Variants in RNLS observed in about 807,000 individuals in gnomAD.
The protein encoded by RNLS is renalase, FAD dependent amine oxidase, also known as renalase.
In RNLS, 39 loss-of-function variants were observed where a neutral mutation model predicts 39.8. That is an observed-to-expected ratio of 0.98 (90% CI 0.76 to 1.28). The LOEUF (loss-of-function observed/expected upper bound fraction) is 1.28. Among genes scored for constraint, RNLS ranks in the 50% most tolerant of loss-of-function variants. The pLI, the probability that RNLS is intolerant of heterozygous loss-of-function variation, is 0.00. For missense variants in RNLS, 410 were observed against 413.3 expected, an observed-to-expected ratio of 0.99 and a Z score of 0.07; for synonymous variants, 147 against 150.7, an observed-to-expected ratio of 0.98 and a Z score of 0.18.
At chr10:88,304,783 A>C (rs114080758) in intron 6 of RNLS, among the ~76,000 whole-genome samples, 27 of 152,348 alleles carry the variant, frequency 1.8e-4, no homozygotes, top group African/African-American at 6.3e-4. Context: ...GACATTGTCC[A>C]TGAGAGCCTC....
chr10:88,203,390 G>A, the RNLS span, among the ~76,000 whole-genome samples: 1 of 8,170 alleles, frequency 1.2e-4, no homozygotes, highest in Non-Finnish European at 2.5e-4. Context: ...ATATATACAC[G>A]TATGTGTATA....
the RNLS span, among the ~76,000 whole-genome samples, chr10:88,222,709 T>C: frequency 6.6e-6 from 1 of 152,094 alleles, no homozygotes; most frequent in Non-Finnish European, 1.5e-5. Flanking sequence ...TGTCTAACCT[T>C]TGGAAGGACT....
chr10:88,355,213 T>C (rs1849060457), intron 5 of RNLS, among the ~76,000 whole-genome samples: 1 of 152,252 alleles, frequency 6.6e-6, no homozygotes, highest in Non-Finnish European at 1.5e-5. Context: ...TTCTCTCAAC[T>C]TGTCAAAGTC....
intron 4 of RNLS, among the ~76,000 whole-genome samples, chr10:88,442,013 A>C (rs570752470): frequency 6.6e-6 from 1 of 152,348 alleles, no homozygotes; most frequent in South Asian, 2.1e-4. Flanking sequence ...GGTTCTCTGC[A>C]ACAGGAATGA....
At chr10:88,558,946 T>G (rs1211221252) in intron 4 of RNLS, among the ~76,000 whole-genome samples, 3 of 152,128 alleles carry the variant, frequency 2.0e-5, no homozygotes, top group Non-Finnish European at 4.4e-5. Context: ...TATTTCCCCC[T>G]CCTATGGAGA....
the RNLS span, among the ~76,000 whole-genome samples, chr10:88,206,792 C>T: frequency 4.6e-5 from 7 of 152,092 alleles, no homozygotes; most frequent in African/African-American, 1.7e-4. Flanking sequence ...AGGATTTAGA[C>T]ATCTCAATAC....
rs1850576625 is a variant in RNLS, at chr10:88,581,727, G to A, written c.225-18C>T. Reference sequence around the variant, plus strand: ...CATAAAAACTGAAATAAATCAATATGTATATTTAATGTAATTATATACCAT... The same window carrying A: ...CATAAAAACTGAAATAAATCAATATATATATTTAATGTAATTATATACCAT... On this transcript the variant is annotated intron_variant, in intron 2 of 6. Coordinates refer to ENST00000331772, the MANE Select transcript of RNLS (RefSeq NM_001031709.3). 2.0e-6 allele frequency: 3 copies of A among 1,503,614 alleles called. No individual in the cohort carries two copies. Among genetic ancestry groups the A allele is most frequent in the Non-Finnish European group, 2.7e-6 (3 of 1,120,078 alleles). 93.1% of individuals were successfully genotyped at this position (1,503,614 alleles called of 1,614,324 possible). A position where few individuals can be genotyped will look rare whatever the true frequency, so the allele number is the denominator to read the frequency against.
rs547816104 is a variant in RNLS, at chr10:88,378,057, C to T, written c.527-15332G>A. 6.8e-4 allele frequency among the ~76,000 whole-genome samples: 104 copies of T among 151,970 alleles called. 1 individual carries two copies. The highest frequency in any genetic ancestry group is 2.4e-3 in the African/African-American group (100 of 41,450). On this transcript the variant is annotated intron_variant, in intron 4 of 6. Transcript: ENST00000331772. ...GCTTAGGTATACACAGGGTCAGGGTCGTCAATATCACTGTCTTCCACCTCC... is the reference window on the plus strand; with the variant it reads ...GCTTAGGTATACACAGGGTCAGGGTTGTCAATATCACTGTCTTCCACCTCC...
chr10:88,568,685 A>C (rs1015620064), intron 4 of RNLS, among the ~76,000 whole-genome samples: 1 of 152,138 alleles, frequency 6.6e-6, no homozygotes, highest in South Asian at 2.1e-4. Flanking sequence ...CGCAAAGCAA[A>C]GGTGCAAATG....
the RNLS span, among the ~76,000 whole-genome samples, chr10:88,235,267 CAAAAAAAA>C: frequency 6.5e-5 from 4 of 61,956 alleles, no homozygotes; most frequent in African/African-American, 2.9e-4. Flanking sequence ...GACTCTATCT[CAAAAAAAA>C]AAAAAAAAAA....
the RNLS span, among the ~76,000 whole-genome samples, chr10:88,200,239 C>T: frequency 1.3e-5 from 2 of 152,206 alleles, no homozygotes; most frequent in Non-Finnish European, 2.9e-5. Flanking sequence ...TTTCTTTGCA[C>T]ATCTGAAAAG....
At chr10:88,312,566 A>G (rs1220880434) in intron 6 of RNLS, among the ~76,000 whole-genome samples, 2 of 152,140 alleles carry the variant, frequency 1.3e-5, no homozygotes, top group Non-Finnish European at 2.9e-5. Context: ...AGGCAGGTAG[A>G]CTGGTTTTGT....
chr10:88,226,185 T>C, the RNLS span, among the ~76,000 whole-genome samples: 2 of 152,242 alleles, frequency 1.3e-5, no homozygotes, highest in Non-Finnish European at 2.9e-5. Flanking sequence ...CCAAGACATA[T>C]TTATTCAGCC....
At chr10:88,546,677 G>T (rs1848329472) in intron 4 of RNLS, among the ~76,000 whole-genome samples, 1 of 152,042 alleles carries the variant, frequency 6.6e-6, no homozygotes, top group East Asian at 1.9e-4. Flanking sequence ...GGGAAAAATA[G>T]AAATTTTGTA....
chr10:88,220,776 A>T, the RNLS span, among the ~76,000 whole-genome samples: 3 of 152,194 alleles, frequency 2.0e-5, no homozygotes, highest in East Asian at 3.9e-4. Context: ...TGTGTTGAGC[A>T]CCTACTAAAT....
At chr10:88,183,408 T>C in the RNLS span, among the ~76,000 whole-genome samples, 4 of 152,130 alleles carry the variant, frequency 2.6e-5, no homozygotes, top group African/African-American at 7.2e-5. Context: ...ATTAACAGTT[T>C]CCATTAAATA....
At chr10:88,580,744 C>G (rs995036546) in intron 3 of RNLS, among the ~76,000 whole-genome samples, 1 of 152,078 alleles carries the variant, frequency 6.6e-6, no homozygotes, top group Admixed American at 6.5e-5. Flanking sequence ...AAAAACAATG[C>G]ATAAACTCAT....
At chr10:88,344,483 A>G (rs1020683188) in intron 5 of RNLS, among the ~76,000 whole-genome samples, 1 of 152,158 alleles carries the variant, frequency 6.6e-6, no homozygotes, top group African/African-American at 2.4e-5. Flanking sequence ...ATATTTTGAC[A>G]GGAAAAACAA....
the RNLS span, among the ~76,000 whole-genome samples, chr10:88,243,037 G>A: frequency 1.4e-4 from 22 of 152,214 alleles, no homozygotes; most frequent in African/African-American, 3.1e-4. Context: ...GACTTCAAGC[G>A]GAACATTGAT....
Sources: gnomAD v4.1 joint callset for allele counts (sites outside exome capture counted in the v4.1 genomes callset) on GRCh38, gnomAD v4.1.1 for gene constraint, MANE v1.5 for transcripts, NCBI Gene and HGNC (gene_info 2026-07-23, HGNC 2026-07-21) for gene names.